GNG7: variants seen among roughly 807,000 people sequenced by gnomAD.
GNG7 encodes the protein G protein subunit gamma 7, also known as guanine nucleotide-binding protein G(I)/G(S)/G(O) subunit gamma-7.
Under a neutral mutation model 4.0 loss-of-function variants are expected in GNG7, and 1 was observed. The ratio of observed to expected loss-of-function variants is 0.25; its 90% CI spans 0.09 to 1.18. The LOEUF is 1.18. GNG7 is among the 50% of genes most tolerant of loss of function. The pLI, the probability that GNG7 is intolerant of heterozygous loss-of-function variation, is 0.50. For missense variants in GNG7, 86 were observed against 91.9 expected, an observed-to-expected ratio of 0.94 and a Z score of 0.26; for synonymous variants, 34 against 36.9, an observed-to-expected ratio of 0.92 and a Z score of 0.29.
chr19:2,546,681 T>C lies in GNG7; in HGVS notation c.-38+8468A>G, dbSNP rs2144752751. On this transcript the variant is annotated intron_variant, in intron 3 of 4. Coordinates refer to ENST00000382159, the MANE Select transcript of GNG7 (RefSeq NM_052847.3). This position sits in a 1 kb window ranked among gnomAD's most constrained non-coding sequence, Gnocchi z 6.3. ...CTTGGAGCCTAAGAATGAGCCGGCT[T>C]GTTCAGACAAAGAGGCCGCGACGAC... Among the ~76,000 whole-genome samples the C allele has an allele frequency of 6.6e-6, 1 of 152,174 alleles. No homozygotes were observed. Among genetic ancestry groups the C allele is most frequent in the Admixed American group, 6.5e-5 (1 of 15,282 alleles).
chr19:2,532,507 G>A (rs532432513), intron 3 of GNG7, among the ~76,000 whole-genome samples: 11 of 152,146 alleles, frequency 7.2e-5, no homozygotes, highest in Non-Finnish European at 1.5e-4. Flanking sequence ...TCTAATATAC[G>A]TGTTATTGGA....
At chr19:2,694,927 A>G (rs911517572) in intron 1 of GNG7, among the ~76,000 whole-genome samples, 1 of 151,800 alleles carries the variant, frequency 6.6e-6, no homozygotes, top group Non-Finnish European at 1.5e-5. Flanking sequence ...AAATGACCCT[A>G]CTCAGGCCAT....
intron 3 of GNG7, among the ~76,000 whole-genome samples, chr19:2,544,174 T>G (rs977465594): frequency 6.6e-6 from 1 of 152,042 alleles, no homozygotes; most frequent in Non-Finnish European, 1.5e-5. Context: ...GACAGGGTGT[T>G]ATGTTTAGAG....
In GNG7 at chr19:2,595,652, G is replaced by A. The variant is rs371537140; in HGVS notation, c.-77-40464C>T. ...CGGGAGGCTGAGGCAGGAGAATGGC[G>A]TGAACCCGGGAGGCGGAGCTTGCAG... On this transcript the variant is annotated intron_variant, in intron 2 of 4. Coordinates refer to ENST00000382159, the MANE Select transcript of GNG7 (RefSeq NM_052847.3). 9.5e-4 allele frequency among the ~76,000 whole-genome samples: 143 copies of A among 150,640 alleles called. 3 individuals carry two copies. Among genetic ancestry groups the A allele is most frequent in the African/African-American group, 2.0e-3 (81 of 41,128 alleles).
chr19:2,595,107 G>A (rs80322770), intron 2 of GNG7: 10,427 of 148,862 alleles, frequency 0.07, 960 homozygotes, highest in East Asian at 0.36. Context: ...GCAACAGAGC[G>A]AGACCCTGTC....
In GNG7 at chr19:2,637,214, C is replaced by CCCG. The variant is rs763677894; in HGVS notation, c.-78+9009_-78+9010insCGG. Among the ~76,000 whole-genome samples, 3 of 151,688 alleles carry CCCG rather than the reference C, an allele frequency of 2.0e-5. No homozygotes were observed. The East Asian group carries it at 5.8e-4, about 30-fold the overall frequency. ...CTTCAGAGGCCCCAGGAACAGGCTC[C>CCCG]CCCCGCCCCCGAGCCCGGCCCGTCT... On this transcript the variant is annotated intron_variant, in intron 2 of 4. Coordinates refer to ENST00000382159, the MANE Select transcript of GNG7 (RefSeq NM_052847.3).
rs16991268 is a variant in GNG7, at chr19:2,609,957, T to C, written c.-78+36267A>G. 0.052 allele frequency among the ~76,000 whole-genome samples: 7,863 copies of C among 151,698 alleles called. 703 individuals are homozygous for C. The highest frequency in any genetic ancestry group is 0.18 in the African/African-American group (7,538 of 41,302). ...ACCTTAAACGGCCAAGGTCCGTCAC[T>C]ACCACCGAGCACCTGCCAGGCTCCC... On this transcript the variant is annotated intron_variant, in intron 2 of 4. Transcript: ENST00000382159. This position sits in a 1 kb window ranked among gnomAD's most constrained non-coding sequence, Gnocchi z 4.4.
intron 2 of GNG7, chr19:2,643,572 G>T (rs1322102346): frequency 2.3e-6 from 1 of 434,566 alleles, no homozygotes; most frequent in Admixed American, 2.5e-5. Context: ...GACCTCTCCG[G>T]ACTCTGCACA....
intron 2 of GNG7, among the ~76,000 whole-genome samples, chr19:2,571,003 T>C (rs952613224): frequency 7.2e-5 from 11 of 151,792 alleles, no homozygotes; most frequent in African/African-American, 2.7e-4. Flanking sequence ...GGTCTCACTA[T>C]GTTGTCCAGG....
chr19:2,602,838 G>A (rs565585089), intron 2 of GNG7, among the ~76,000 whole-genome samples: 4 of 151,894 alleles, frequency 2.6e-5, no homozygotes, highest in African/African-American at 7.3e-5. Context: ...GGCTCACTGC[G>A]GCTCTGCAAG....
chr19:2,625,196 A>G (rs1404521023), intron 2 of GNG7, among the ~76,000 whole-genome samples: 2 of 151,986 alleles, frequency 1.3e-5, no homozygotes, highest in African/African-American at 4.8e-5. Flanking sequence ...AGCCTCCCGA[A>G]TAGCTGGGAA....
chr19:2,575,690 C>CGCAGACACACGCAGACAG (rs1980298349), intron 2 of GNG7, among the ~76,000 whole-genome samples: 1 of 130,880 alleles, frequency 7.6e-6, no homozygotes, highest in South Asian at 2.4e-4. Flanking sequence ...CGCAGGCACA[C>CGCAGACACACGCAGACAG]GCAGACACAC....
chr19:2,636,961 C>T (rs1982324849), intron 2 of GNG7, among the ~76,000 whole-genome samples: 2 of 151,220 alleles, frequency 1.3e-5, no homozygotes, highest in Non-Finnish European at 1.5e-5. Flanking sequence ...TGCCCACCTG[C>T]GCCCACCTGC....
At chr19:2,642,760 C>T (rs572437779) in intron 2 of GNG7, 66 of 456,248 alleles carry the variant, frequency 1.4e-4, no homozygotes, top group African/African-American at 1.2e-3. Flanking sequence ...TCTCAAAGTG[C>T]TGGGATTACA....
At position 2,544,448 on chromosome 19, in the gene GNG7, G is replaced by A. The variant is rs934875909; in HGVS notation, c.-38+10701C>T. Among the ~76,000 whole-genome samples the A allele has an allele frequency of 3.9e-4, 60 of 152,204 alleles. 1 individual carries two copies. The highest frequency in any genetic ancestry group is 1.4e-3 in the African/African-American group (59 of 41,532). The stretch of plus-strand genomic sequence containing the variant: ...CCCTGAGGACAGTGTGCAGTGGCGC[G>A]ATCTCGGCTCACTGCAACCTCCGCC... On this transcript the variant is annotated intron_variant, in intron 3 of 4. Transcript: ENST00000382159.
At chr19:2,563,467 T>C (rs564997108) in intron 2 of GNG7, among the ~76,000 whole-genome samples, 14 of 152,228 alleles carry the variant, frequency 9.2e-5, no homozygotes, top group Admixed American at 2.6e-4. Flanking sequence ...CCAAGCATTA[T>C]TGAGGTCACA....
chr19:2,644,251 C>A (rs968024247), intron 2 of GNG7, among the ~76,000 whole-genome samples: 5 of 149,816 alleles, frequency 3.3e-5, no homozygotes, highest in Admixed American at 1.3e-4. Context: ...AAACTCCTGA[C>A]CTCAGGTGAT....
At chr19:2,650,381 G>A (rs550650288) in intron 1 of GNG7, among the ~76,000 whole-genome samples, 1 of 152,112 alleles carries the variant, frequency 6.6e-6, no homozygotes, top group Non-Finnish European at 1.5e-5. Flanking sequence ...TAGAGACGGG[G>A]TTTCCTCATG....
Position 2,619,145 on chromosome 19 carries a change from C to T in GNG7, c.-78+27079G>A, listed in dbSNP as rs7257500. On this transcript the variant is annotated intron_variant, in intron 2 of 4. Transcript: ENST00000382159. The stretch of plus-strand genomic sequence containing the variant: ...TTTGATTTCAAATTCAACAAATATC[C>T]GTAAGTAGAAGGCATATAAACAAAA... Among the ~76,000 whole-genome samples the T allele has an allele frequency of 8.5e-5, 13 of 152,138 alleles. No homozygotes were observed. In the East Asian group the frequency reaches 2.5e-3, roughly 29 times the overall value.
Sources: gnomAD v4.1 joint callset for allele counts (sites outside exome capture counted in the v4.1 genomes callset) on GRCh38, gnomAD v4.1.1 for gene constraint, Gnocchi (gnomAD v3.1) non-coding constraint, MANE v1.5 for transcripts, NCBI Gene and HGNC (gene_info 2026-07-23, HGNC 2026-07-21) for gene names.